SHLD2: variants seen among roughly 807,000 people sequenced by gnomAD.
SHLD2 encodes the protein RINN1-REV7-interacting novel NHEJ regulator 2.
In SHLD2, 30 loss-of-function variants were observed where a neutral mutation model predicts 73.2. That is an observed-to-expected ratio of 0.41 (90% CI 0.31 to 0.56). The LOEUF is 0.56. Among genes scored for constraint, SHLD2 ranks in the 20% least tolerant of loss-of-function variants. SHLD2 has a pLI of 0.28. For synonymous variants in SHLD2, 285 were observed against 370.1 expected (o/e 0.77, Z 2.64); for missense variants, 745 against 1,055.9 (o/e 0.71, Z 4.08).
At chr10:87,181,136 T>G (rs1448361927) in intron 8 of SHLD2, among the ~76,000 whole-genome samples, 4 of 151,602 alleles carry the variant, frequency 2.6e-5, no homozygotes, top group Admixed American at 6.6e-5. Flanking sequence ...ATCCCAGCAC[T>G]TTGGGAGGCC....
At chr10:87,147,127 C>T (rs1845683976) in intron 2 of SHLD2, among the ~76,000 whole-genome samples, 2 of 148,794 alleles carry the variant, frequency 1.3e-5, no homozygotes, top group Non-Finnish European at 3.0e-5. Flanking sequence ...ACATTCATCT[C>T]AGATATTTCT....
intron 2 of SHLD2, among the ~76,000 whole-genome samples, chr10:87,112,658 A>C (rs992799247): frequency 6.6e-6 from 1 of 151,652 alleles, no homozygotes; most frequent in Admixed American, 6.6e-5. Context: ...GATAATAATA[A>C]TAATAATAGA....
At chr10:87,176,786 A>G (rs1160308817) in intron 7 of SHLD2, among the ~76,000 whole-genome samples, 1 of 152,242 alleles carries the variant, frequency 6.6e-6, no homozygotes, top group East Asian at 1.9e-4. Flanking sequence ...GAATACAGGC[A>G]GAAAACAAAG....
chr10:87,173,669 G>A (rs1847759971), intron 6 of SHLD2, among the ~76,000 whole-genome samples: 1 of 151,796 alleles, frequency 6.6e-6, no homozygotes, highest in Admixed American at 6.6e-5. Context: ...TGCAAAGGTT[G>A]GTAGGGTAAA....
intron 2 of SHLD2, 146 bp downstream of exon 2, chr10:87,097,135 ATTTG>A (rs774892719): frequency 4.6e-5 from 7 of 152,192 alleles, no homozygotes; most frequent in African/African-American, 7.2e-5. Flanking sequence ...GGATTAAATT[ATTTG>A]TTTATGTTCT....
In SHLD2 at chr10:87,180,184, T is replaced by A; in HGVS notation, c.2280T>A (p.Leu760=). 6.2e-7 allele frequency: 1 copy of A among 1,613,716 alleles called. No homozygotes were observed. The highest frequency in any genetic ancestry group is 1.3e-5 in the African/African-American group (1 of 75,036). ...HSSLKSIFSS[L]PNIVYTGCAK... ...CTCTGAAGAGTATTTTTTCTTCTCT[T>A]CCCAACATCGTATATACTGGTTGTG... Residue 760 remains leucine (L), a synonymous_variant, in exon 8 of 10, where the codon CTT becomes CTA. Transcript: ENST00000298786.
rs1038092560 is a variant in SHLD2, at chr10:87,112,110, T to C, written c.-6+15121T>C. Reference sequence around the variant, plus strand: ...AAAATTAGCTGGGTGTAGTGGCGGGTGCCTGTAGTCCCAGCTACTCGGGAG... The same window carrying C: ...AAAATTAGCTGGGTGTAGTGGCGGGCGCCTGTAGTCCCAGCTACTCGGGAG... On this transcript the variant is annotated intron_variant, in intron 2 of 9. Transcript: ENST00000298786. 6.1e-5 allele frequency among the ~76,000 whole-genome samples: 9 copies of C among 146,668 alleles called. No homozygotes were observed. In the South Asian group the frequency reaches 6.5e-4, roughly 11 times the overall value.
chr10:87,094,598 C>T, upstream of SHLD2: 3 of 1,611,012 alleles, frequency 1.9e-6, no homozygotes, highest in South Asian at 2.2e-5. The surrounding 1 kb of genome is among the most constrained non-coding windows in gnomAD (Gnocchi z 6.6). Flanking sequence ...TCGCGGTCGG[C>T]CACCGCCTCG....
intron 8 of SHLD2, among the ~76,000 whole-genome samples, chr10:87,183,914 C>G (rs1848461478): frequency 6.6e-6 from 1 of 152,148 alleles, no homozygotes; most frequent in Non-Finnish European, 1.5e-5. Flanking sequence ...TGCGTCCTTC[C>G]TCTTATTCTT....
intron 9 of SHLD2, 27 bp downstream of exon 9, chr10:87,187,227 G>A (rs1166741825): frequency 7.3e-6 from 10 of 1,362,922 alleles, no homozygotes; most frequent in Non-Finnish European, 1.1e-5. Flanking sequence ...CCATCAAGAA[G>A]TTGTTTTATT....
chr10:87,170,665 A>C lies in SHLD2; in HGVS notation c.1821A>C (p.Ile607=). ...HAVLRVVDFT[I]LTEAVYSYRG... ...TACTAAGAGTTGTTGATTTCACTAT[A>C]CTGACAGGTAAATATTTTGACTGCC... is the stretch of plus-strand genomic sequence containing the variant. Residue 607 remains isoleucine, a synonymous_variant, in exon 5 of 10, where the codon ATA becomes ATC. Coordinates refer to ENST00000298786, the MANE Select transcript of SHLD2 (RefSeq NM_001330112.2). 1 of 1,603,030 alleles carries C rather than the reference A, an allele frequency of 6.2e-7. No homozygotes were observed. Among genetic ancestry groups the C allele is most frequent in the Non-Finnish European group, 8.5e-7 (1 of 1,176,168 alleles).
At chr10:87,144,824 C>T (rs1417130830) in intron 2 of SHLD2, among the ~76,000 whole-genome samples, 1 of 150,622 alleles carries the variant, frequency 6.6e-6, no homozygotes, top group Non-Finnish European at 1.5e-5. Flanking sequence ...GACGGGGTTT[C>T]ACCATGTTAG....
At chr10:87,139,181 T>G (rs1027181730) in intron 2 of SHLD2, among the ~76,000 whole-genome samples, 32 of 151,824 alleles carry the variant, frequency 2.1e-4, no homozygotes, top group Non-Finnish European at 4.0e-4. Flanking sequence ...AGAGACTGTT[T>G]CATACAAAGG....
intron 2 of SHLD2, among the ~76,000 whole-genome samples, chr10:87,139,363 C>T (rs1212772072): frequency 6.6e-6 from 1 of 152,032 alleles, no homozygotes; most frequent in Non-Finnish European, 1.5e-5. Context: ...CAGCACCTAA[C>T]AATTAAAATG....
chr10:87,099,456 G>A (rs564395081), intron 2 of SHLD2, among the ~76,000 whole-genome samples: 7 of 152,302 alleles, frequency 4.6e-5, no homozygotes, highest in Non-Finnish European at 8.8e-5. Flanking sequence ...ACTTGGCAGA[G>A]TATTTTAAAG....
chr10:87,144,052 C>T (rs1274562754), intron 2 of SHLD2, among the ~76,000 whole-genome samples: 7 of 151,762 alleles, frequency 4.6e-5, no homozygotes, highest in South Asian at 2.1e-4. Context: ...TTAGTAGAGA[C>T]GGGGGTTTCG....
At chr10:87,149,489 A>G (rs1700385693) in intron 2 of SHLD2, among the ~76,000 whole-genome samples, 1 of 151,862 alleles carries the variant, frequency 6.6e-6, no homozygotes. Flanking sequence ...TTGGGAGGCC[A>G]AGGTGGGTGG....
chr10:87,151,608 A>G lies in SHLD2; in HGVS notation c.254A>G (p.His85Arg), dbSNP rs1462777556. 2 of 1,611,398 alleles carry G rather than the reference A, an allele frequency of 1.2e-6. No individual in the cohort carries two copies. Among genetic ancestry groups the G allele is most frequent in the Non-Finnish European group, 1.7e-6 (2 of 1,179,418 alleles). ...TTCTTAGCAAACTGTATGAATAGAC[A>G]TGTTCATGTGAAAGATGACTTTGTA... ...GHFLANCMNR[H>R]VHVKDDFVRS... Residue 85 changes from histidine (H) to arginine (R), a missense_variant, in exon 3 of 10, where the codon CAT becomes CGT. His to Arg is a conservative substitution (Grantham distance 29). Coordinates refer to ENST00000298786, the MANE Select transcript of SHLD2 (RefSeq NM_001330112.2).
At chr10:87,170,775 T>C in intron 5 of SHLD2, 65 bp from the exon 6 acceptor site, 1 of 1,611,260 alleles carries the variant, frequency 6.2e-7, no homozygotes, top group Non-Finnish European at 8.5e-7. Context: ...TATCATCAGC[T>C]ATTAAAGTAT....
Sources: gnomAD v4.1 joint callset for allele counts (sites outside exome capture counted in the v4.1 genomes callset) on GRCh38, gnomAD v4.1.1 for gene constraint, Gnocchi (gnomAD v3.1) non-coding constraint, MANE v1.5 for transcripts, NCBI Gene and HGNC (gene_info 2026-07-23, HGNC 2026-07-21) for gene names.